Variants in ANK3 observed in about 807,000 individuals in gnomAD.
The protein encoded by ANK3 is ankyrin 3.
In ANK3, 57 loss-of-function variants were observed where a neutral mutation model predicts 370.9. That is an observed-to-expected ratio of 0.15 (90% CI 0.12 to 0.19). The LOEUF (loss-of-function observed/expected upper bound fraction) is 0.19. Ranked by LOEUF, ANK3 falls within the 10% of genes least tolerant of loss-of-function variation. ANK3 has a pLI of 1.00. For synonymous variants in ANK3, 1,929 were observed against 1,946.3 expected (o/e 0.99, Z 0.23); for missense variants, 4,439 against 5,302.1 (o/e 0.84, Z 5.06).
intron 2 of ANK3, among the ~76,000 whole-genome samples, chr10:60,396,074 G>A (rs2063232442): frequency 6.6e-6 from 1 of 152,180 alleles, no homozygotes; most frequent in Non-Finnish European, 1.5e-5. Context: ...TACTGTTAGT[G>A]CTGGTGATAC....
Position 60,072,988 on chromosome 10 carries a change from A to G in ANK3, c.7893T>C (p.Pro2631=). 1 of 1,614,068 alleles carries G rather than the reference A, an allele frequency of 6.2e-7. No individual in the cohort carries two copies. Among genetic ancestry groups the G allele is most frequent in the Non-Finnish European group, 8.5e-7 (1 of 1,179,994 alleles). ...GCAGTTCTGTCAGTAGCACTTTCTCAGGGCTGCTACTGGTAGGGCTTTGAG... is the reference window on the plus strand; with the variant it reads ...GCAGTTCTGTCAGTAGCACTTTCTCGGGGCTGCTACTGGTAGGGCTTTGAG... ...YSSQSPTSSS[P]EKVLLTELLA... is the part of the protein sequence containing the mutation. The change falls in exon 37 of 44, where the codon CCT becomes CCC. Residue 2631 remains proline, a synonymous_variant. Transcript: ENST00000280772.
At chr10:60,222,678 C>T (rs1404938827) in intron 8 of ANK3, among the ~76,000 whole-genome samples, 1 of 152,160 alleles carries the variant, frequency 6.6e-6, no homozygotes, top group Non-Finnish European at 1.5e-5. Flanking sequence ...AAAATCAGTT[C>T]CTGCTATACT....
intron 2 of ANK3, among the ~76,000 whole-genome samples, chr10:60,435,561 C>A (rs1312581523): frequency 6.6e-6 from 1 of 152,088 alleles, no homozygotes; most frequent in African/African-American, 2.4e-5. Context: ...TTTAACAAAG[C>A]TATAGAATTA....
chr10:60,228,813 C>T (rs1375613226), intron 8 of ANK3, among the ~76,000 whole-genome samples: 1 of 152,058 alleles, frequency 6.6e-6, no homozygotes, highest in African/African-American at 2.4e-5. Context: ...AAGCAGACAA[C>T]ATTCTGACCA....
chr10:60,360,979 G>A (rs1005474465), intron 1 of ANK3, among the ~76,000 whole-genome samples: 1 of 152,098 alleles, frequency 6.6e-6, no homozygotes, highest in Non-Finnish European at 1.5e-5. Flanking sequence ...TGCCACACCT[G>A]CTTAAATTAT....
intron 43 of ANK3, among the ~76,000 whole-genome samples, chr10:60,041,974 GCTTTA>G (rs1278424633): frequency 3.9e-5 from 6 of 152,062 alleles, no homozygotes. Context: ...AAGTGATTTT[GCTTTA>G]CTTTACAGAC....
At chr10:60,386,975 C>A (rs1243783949) in intron 1 of ANK3, among the ~76,000 whole-genome samples, 2 of 152,096 alleles carry the variant, frequency 1.3e-5, no homozygotes, top group East Asian at 3.9e-4. Context: ...GCCTGGCCAA[C>A]ACGGCGAAAC....
Position 60,330,325 on chromosome 10 carries a change from T to A in ANK3, c.115-50686A>T, listed in dbSNP as rs577784154. On this transcript the variant is annotated intron_variant, in intron 1 of 43. Transcript: ENST00000280772. ...AGAGCTTCTGCACAGCAAAAGAAAC[T>A]ATCAACAGACTGAACAGGCAGCTTA... is the stretch of plus-strand genomic sequence containing the variant. Among the ~76,000 whole-genome samples, 24 of 152,278 alleles carry A rather than the reference T, an allele frequency of 1.6e-4. No individual in the cohort carries two copies. The South Asian group carries it at 2.1e-3, about 13-fold the overall frequency.
At chr10:60,297,793 T>C (rs997853905) in intron 1 of ANK3, among the ~76,000 whole-genome samples, 1 of 152,150 alleles carries the variant, frequency 6.6e-6, no homozygotes, top group African/African-American at 2.4e-5. Context: ...AAGTAAATAT[T>C]ATATTTACTA....
At chr10:60,292,218 C>T (rs2041562450) in intron 1 of ANK3, among the ~76,000 whole-genome samples, 1 of 152,072 alleles carries the variant, frequency 6.6e-6, no homozygotes, top group Non-Finnish European at 1.5e-5. Context: ...AAAATAACCG[C>T]AGATGGAGAA....
chr10:60,580,817 C>T (rs1051939882), intron 2 of ANK3, among the ~76,000 whole-genome samples: 2 of 152,146 alleles, frequency 1.3e-5, no homozygotes, highest in Non-Finnish European at 2.9e-5. Flanking sequence ...TCTAGCCCAG[C>T]TGGCCAGGCA....
intron 42 of ANK3, chr10:60,043,490 G>C (rs2076458901): frequency 2.0e-6 from 2 of 985,328 alleles, no homozygotes; most frequent in South Asian, 9.4e-5. Flanking sequence ...TTTTCTCTGA[G>C]AGAAAGGGGT....
intron 2 of ANK3, among the ~76,000 whole-genome samples, chr10:60,505,222 A>C (rs1389698869): frequency 6.6e-6 from 1 of 152,086 alleles, no homozygotes; most frequent in Admixed American, 6.6e-5. Context: ...AATAGAGATA[A>C]TCTAGAATTC....
chr10:60,325,518 A>G (rs1479750700), intron 1 of ANK3, among the ~76,000 whole-genome samples: 2 of 152,190 alleles, frequency 1.3e-5, no homozygotes, highest in Non-Finnish European at 2.9e-5. Flanking sequence ...GGATCAAACT[A>G]TGAGGAGTGG....
chr10:60,273,210 G>C (rs934774054), intron 4 of ANK3, among the ~76,000 whole-genome samples: 1 of 152,112 alleles, frequency 6.6e-6, no homozygotes, highest in African/African-American at 2.4e-5. Flanking sequence ...ATAATTCATT[G>C]TTTTCCTTTT....
chr10:60,540,334 T>G (rs141875530), intron 2 of ANK3, among the ~76,000 whole-genome samples: 1 of 151,932 alleles, frequency 6.6e-6, no homozygotes, highest in African/African-American at 2.4e-5. Context: ...CAGTTCTATA[T>G]GGCTTTTCAG....
At chr10:60,221,014 T>A (rs936692205) in intron 8 of ANK3, among the ~76,000 whole-genome samples, 3 of 152,054 alleles carry the variant, frequency 2.0e-5, no homozygotes, top group Non-Finnish European at 4.4e-5. Flanking sequence ...ATCTATCTCA[T>A]CCATCAACTC....
intron 1 of ANK3, among the ~76,000 whole-genome samples, chr10:60,381,158 A>T (rs2061496404): frequency 6.6e-6 from 1 of 152,196 alleles, no homozygotes; most frequent in African/African-American, 2.4e-5. Context: ...TGTTCCTTCT[A>T]CATAATCACA....
rs2097487186 is a variant in ANK3 at position 60,242,750 on chromosome 10, A to G, written c.799-7964T>C. On this transcript the variant is annotated intron_variant, in intron 7 of 43. Transcript: ENST00000280772. ...TGAGATAATTTGTATTAAAAGAAGG[A>G]CATTCACAGGTATTTCATATCTTTT... Among the ~76,000 whole-genome samples, 3 of 152,330 alleles carry G rather than the reference A, an allele frequency of 2.0e-5. No homozygotes were observed. In the South Asian group the frequency reaches 6.2e-4, roughly 32 times the overall value.
Sources: gnomAD v4.1 joint callset for allele counts (sites outside exome capture counted in the v4.1 genomes callset) on GRCh38, gnomAD v4.1.1 for gene constraint, MANE v1.5 for transcripts, NCBI Gene and HGNC (gene_info 2026-07-23, HGNC 2026-07-21) for gene names.